Variants in RNF166 observed in about 807,000 individuals in gnomAD.
The protein encoded by RNF166 is ring finger protein 166, also known as E3 ubiquitin-protein ligase RNF166.
RNF166 carries 19 observed loss-of-function variants against 29.4 expected under a neutral mutation model. The observed-to-expected ratio is 0.65, with a 90% CI of 0.45 to 0.95. The LOEUF is 0.95. RNF166 is among the 40% of genes least tolerant of loss of function. RNF166 has a pLI of 0.00. For missense variants in RNF166, 347 were observed against 322.1 expected (o/e 1.08, Z -0.59); for synonymous variants, 171 against 134.5 (o/e 1.27, Z -1.88).
In RNF166 at chr16:88,699,003, C is replaced by T; in HGVS notation, c.508G>A (p.Val170Met). 3.1e-6 allele frequency: 5 copies of T among 1,607,064 alleles called. No homozygotes were observed. The highest frequency in any genetic ancestry group is 4.2e-6 in the Non-Finnish European group (5 of 1,177,348). ...LDQQELVKHC[V>M]ESHRSDPNRV... is the part of the protein sequence containing the mutation. ...TTGGGGTCGCTGCGGTGGCTTTCCA[C>T]ACAGTGCTTCACCAGCTCCTGCTGG... is the stretch of plus-strand genomic sequence containing the variant. Residue 170 changes from valine (V) to methionine (M), a missense_variant, in exon 4 of 6, where the codon GTG becomes ATG. By Grantham distance (21) the Val-to-Met change is conservative. Coordinates refer to ENST00000312838, the MANE Select transcript of RNF166 (RefSeq NM_178841.4).
chr16:88,704,018 G>C (rs1283393506), intron 1 of RNF166: 1 of 985,370 alleles, frequency 1.0e-6, no homozygotes. Context: ...CCCTGGCTGA[G>C]AACAGCTCCT....
chr16:88,706,165 G>T lies in RNF166; in HGVS notation c.155+6C>A. The T allele has an allele frequency of 4.1e-6, 5 of 1,226,256 alleles. No homozygotes were observed. The highest frequency in any genetic ancestry group is 5.1e-6 in the Non-Finnish European group (5 of 981,264). 76.0% of individuals were successfully genotyped at this position (1,226,256 alleles called of 1,614,324 possible). The stretch of plus-strand genomic sequence containing the variant: ...CTCCCCGCGGCCCCTGGGCGGGCGC[G>T]CTCACGTGTGGCCGCAGCTGCCGAT... On this transcript the variant is annotated splice_donor_region_variant and intron_variant, in intron 1 of 5. Coordinates refer to ENST00000312838, the MANE Select transcript of RNF166 (RefSeq NM_178841.4).
chr16:88,696,550 A>G lies in RNF166; in HGVS notation c.*1018T>C, dbSNP rs1299686138. On this transcript the variant is annotated 3_prime_UTR_variant, in exon 6 of 6. Transcript: ENST00000312838. ...TTTTTTTTTTAAAAAAAAGACAGCA[A>G]TAATTAATGCCAAGAACAGAAAAGA... 2.3e-6 allele frequency: 1 copy of G among 440,578 alleles called. No individual in the cohort carries two copies. Among genetic ancestry groups the G allele is most frequent in the East Asian group, 7.0e-5 (1 of 14,332 alleles). The allele number at this position is 440,578 out of a possible 1,614,324, so 27.3% of individuals were successfully genotyped here.
In RNF166 at chr16:88,698,514, G is replaced by C. The variant is rs534009735; in HGVS notation, c.636C>G (p.Tyr212Ter). 5.7e-6 allele frequency: 9 copies of C among 1,569,140 alleles called. No individual in the cohort carries two copies. The highest frequency in any genetic ancestry group is 2.4e-5 in the East Asian group (1 of 42,026). ...GCGGGATGCCTACCACAAAGGTGTC[G>C]TAGGAGAACTTGTGTCGGTGAAGCA... ...QHLLHRHKFS[Y>*]DTFVDYSIDE... is the part of the protein sequence containing the mutation. The change falls in exon 5 of 6, where the codon TAC (tyrosine) becomes TAG (stop). Residue 212 changes from tyrosine to a stop codon, truncating the protein, a stop_gained. Transcript: ENST00000312838. LOFTEE classifies it high-confidence loss of function.
intron 1 of RNF166, chr16:88,703,640 A>C: frequency 1.0e-6 from 1 of 985,524 alleles, no homozygotes; most frequent in African/African-American, 1.7e-5. Flanking sequence ...CCCCACAGGA[A>C]GTTCCTGTCT....
chr16:88,703,578 G>T, intron 1 of RNF166: 11 of 985,442 alleles, frequency 1.1e-5, no homozygotes, highest in Non-Finnish European at 1.3e-5. Flanking sequence ...AGTTTCCAGT[G>T]ACTGCCAGCC....
intron 1 of RNF166, among the ~76,000 whole-genome samples, chr16:88,704,809 G>A (rs146799340): frequency 4.9e-4 from 75 of 152,318 alleles, no homozygotes; most frequent in Non-Finnish European, 9.3e-4. Context: ...GGCCAACATG[G>A]TGAAACCCCT....
chr16:88,702,398 A>C (rs1910339660), intron 1 of RNF166, among the ~76,000 whole-genome samples: 1 of 152,184 alleles, frequency 6.6e-6, no homozygotes, highest in Non-Finnish European at 1.5e-5. Context: ...CTCCCTGGCA[A>C]GGCCACAGGG....
chr16:88,705,652 A>G (rs1230052696), intron 1 of RNF166, among the ~76,000 whole-genome samples: 1 of 152,242 alleles, frequency 6.6e-6, no homozygotes, highest in Admixed American at 6.5e-5. Flanking sequence ...GTTCTCCTTC[A>G]AACAAAACTA....
intron 5 of RNF166, chr16:88,698,237 G>A: frequency 1.5e-6 from 1 of 652,754 alleles, no homozygotes; most frequent in Non-Finnish European, 2.8e-6. Context: ...GGGGTTCTGT[G>A]GGGTGGGCAG....
At chr16:88,698,302 T>A (rs1567634404) in intron 5 of RNF166, 200 bp downstream of exon 5, 7 of 703,414 alleles carry the variant, frequency 1.0e-5, no homozygotes, top group Middle Eastern at 2.3e-4. Flanking sequence ...CACCCTCTAG[T>A]GGCCACTCAA....
rs1245421780 is a variant in RNF166 at position 88,697,328 on chromosome 16, T to C, written c.*240A>G. On this transcript the variant is annotated 3_prime_UTR_variant, in exon 6 of 6. Coordinates refer to ENST00000312838, the MANE Select transcript of RNF166 (RefSeq NM_178841.4). ...AGCCCTGCCCAAGTAGGCCGCCTGC[T>C]CGGCCAGAAGCACCGAAGAACCCAG... 9.7e-6 allele frequency: 4 copies of C among 411,744 alleles called. No individual in the cohort carries two copies. Among genetic ancestry groups the C allele is most frequent in the African/African-American group, 2.1e-5 (1 of 47,820 alleles). 25.5% of individuals were successfully genotyped at this position (411,744 alleles called of 1,614,324 possible). A position where few individuals can be genotyped will look rare whatever the true frequency, so the allele number is the denominator to read the frequency against.
At chr16:88,700,901 G>A in intron 2 of RNF166, 1 of 1,134,762 alleles carries the variant, frequency 8.8e-7, no homozygotes, top group Non-Finnish European at 1.1e-6. Context: ...TGACCTTGGA[G>A]CCCCCAGCGC....
At chr16:88,700,798 G>A (rs1337555323) in intron 2 of RNF166, 1 of 1,037,660 alleles carries the variant, frequency 9.6e-7, no homozygotes, top group Non-Finnish European at 1.2e-6. Context: ...CTCTGATGTG[G>A]GTGTGGCAGT....
In RNF166 at chr16:88,701,402, G is replaced by C; in HGVS notation, c.172C>G (p.Leu58Val). Reference sequence around the variant, plus strand: ...GATGGCACCTGCAGGCAGGGCTGGAGACACTCCCCGCAGAACCTGCAGGGC... The same window carrying C: ...GATGGCACCTGCAGGCAGGGCTGGACACACTCCCCGCAGAACCTGCAGGGC... ...SCGHTFCGECLQPCLQVPSPL... is the reference protein window; with the variant it reads ...SCGHTFCGECVQPCLQVPSPL... The change falls in exon 2 of 6, where the codon CTC becomes GTC. Residue 58 changes from leucine to valine, a missense_variant. Leu to Val is a conservative substitution (Grantham distance 32). Transcript: ENST00000312838. The C allele has an allele frequency of 6.2e-7, 1 of 1,601,796 alleles. No homozygotes were observed. The highest frequency in any genetic ancestry group is 2.2e-5 in the East Asian group (1 of 44,796).
intron 2 of RNF166, chr16:88,701,049 G>C: frequency 7.3e-7 from 1 of 1,362,776 alleles, no homozygotes; most frequent in Non-Finnish European, 9.6e-7. Flanking sequence ...CCCCCACCGG[G>C]CTGGCCCCCC....
At chr16:88,698,413 C>G in intron 5 of RNF166, 89 bp downstream of exon 5, 1 of 1,038,246 alleles carries the variant, frequency 9.6e-7, no homozygotes, top group Non-Finnish European at 1.5e-6. Flanking sequence ...CCTCTGAACC[C>G]TGCGGACCCT....
chr16:88,697,967 G>A (rs1480552826), intron 5 of RNF166: 20 of 471,418 alleles, frequency 4.2e-5, no homozygotes, highest in East Asian at 2.7e-4. Flanking sequence ...CAGGCGGAGC[G>A]TGGGTCCCGG....
rs1040755579 is a variant in RNF166 at position 88,697,021 on chromosome 16, T to C, written c.*547A>G. On this transcript the variant is annotated 3_prime_UTR_variant, in exon 6 of 6. Coordinates refer to ENST00000312838, the MANE Select transcript of RNF166 (RefSeq NM_178841.4). ...TATTATTCCTAGTCAAACACAGATA[T>C]TGCAATATGAAGAGTAACTGCTCTG... 9 of 189,140 alleles carry C rather than the reference T, an allele frequency of 4.8e-5. No individual in the cohort carries two copies. In the South Asian group the frequency reaches 6.7e-4, roughly 14 times the overall value. The allele number at this position is 189,140 out of a possible 1,614,324, so 11.7% of individuals were successfully genotyped here. A position where few individuals can be genotyped will look rare whatever the true frequency, so the allele number is the denominator to read the frequency against.
Sources: allele counts gnomAD v4.1 joint callset (sites outside exome capture counted in the v4.1 genomes callset), GRCh38; gene constraint gnomAD v4.1.1; transcripts MANE v1.5; gene names NCBI Gene and HGNC (gene_info 2026-07-23, HGNC 2026-07-21).